Variants in SPAG9 observed in about 807,000 individuals in gnomAD.
The protein encoded by SPAG9 is sperm associated antigen 9, also known as C-Jun-amino-terminal kinase-interacting protein 4.
Under a neutral mutation model 166.5 loss-of-function variants are expected in SPAG9, and 35 were observed. The observed-to-expected ratio is 0.21, with a 90% confidence interval of 0.16 to 0.28. SPAG9 has a LOEUF of 0.28. Ranked by LOEUF, SPAG9 falls within the 10% of genes least tolerant of loss-of-function variation. The pLI is 1.00. For synonymous variants in SPAG9, 534 were observed against 565.5 expected (o/e 0.94, Z 0.79); for missense variants, 1,235 against 1,603.3 (o/e 0.77, Z 3.92).
At chr17:51,057,384 T>TA (rs1282774729) in intron 2 of SPAG9, among the ~76,000 whole-genome samples, 3 of 152,154 alleles carry the variant, frequency 2.0e-5, no homozygotes, top group Non-Finnish European at 4.4e-5. Context: ...AGCCTTAGCA[T>TA]AGTTGAAAAT....
intron 3 of SPAG9, among the ~76,000 whole-genome samples, chr17:51,049,967 C>T (rs965738439): frequency 3.3e-5 from 5 of 152,242 alleles, no homozygotes; most frequent in African/African-American, 1.2e-4. Context: ...AATGGAGGAC[C>T]TAAGTTTCCT....
intron 8 of SPAG9, among the ~76,000 whole-genome samples, chr17:51,017,141 G>T (rs1204648531): frequency 6.6e-6 from 1 of 152,156 alleles, no homozygotes; most frequent in African/African-American, 2.4e-5. Flanking sequence ...TTCCGTATTT[G>T]ATCTACAAAA....
rs1366279972 is a variant in SPAG9, at chr17:50,995,037, A to G, written c.2226+20T>C. On this transcript the variant is annotated intron_variant, in intron 18 of 29. Transcript: ENST00000262013. ...CTCATAGTCTCATAAACCAGGTCAA[A>G]TGTTAGTACACACACTTACCTTAAG... 2.5e-6 allele frequency: 4 copies of G among 1,590,084 alleles called. No homozygotes were observed. The highest frequency in any genetic ancestry group is 4.5e-5 in the East Asian group (2 of 44,666).
At chr17:50,989,639 T>C (rs1975369903) in intron 21 of SPAG9, 38 bp downstream of exon 21, 1 of 1,550,602 alleles carries the variant, frequency 6.4e-7, no homozygotes, top group Admixed American at 1.7e-5. Flanking sequence ...ATTTGTGCAC[T>C]TCACCCAGTT....
At chr17:51,077,081 TCTAGCTAGCTATCTATCTAG>T (rs2048030672) in intron 2 of SPAG9, among the ~76,000 whole-genome samples, 4 of 109,624 alleles carry the variant, frequency 3.6e-5, no homozygotes, top group African/African-American at 1.7e-4. Flanking sequence ...TATCTAGCTA[TCTAGCTAGCTATCTATCTAG>T]CTAGCTATCT....
At chr17:51,074,681 G>A (rs2047917368) in intron 2 of SPAG9, among the ~76,000 whole-genome samples, 1 of 152,048 alleles carries the variant, frequency 6.6e-6, no homozygotes, top group East Asian at 1.9e-4. Flanking sequence ...TTTCCCTAGA[G>A]TATTGTCAAT....
At chr17:51,074,813 T>G (rs1311464083) in intron 2 of SPAG9, among the ~76,000 whole-genome samples, 1 of 152,054 alleles carries the variant, frequency 6.6e-6, no homozygotes, top group Non-Finnish European at 1.5e-5. Context: ...AAAAAAGGTA[T>G]GACTCTCTGG....
intron 20 of SPAG9, 143 bp downstream of exon 20, chr17:50,990,307 C>T (rs1288092204): frequency 1.7e-5 from 12 of 687,962 alleles, no homozygotes; most frequent in East Asian, 5.5e-5. Context: ...GGATTACAGG[C>T]GTGAGCCACC....
In SPAG9 at chr17:51,003,777, C is replaced by T. The variant is rs925657090; in HGVS notation, c.1476+1435G>A. Among the ~76,000 whole-genome samples, 6 of 152,144 alleles carry T rather than the reference C, an allele frequency of 3.9e-5. No homozygotes were observed. In the East Asian group the frequency reaches 9.6e-4, roughly 24 times the overall value. On this transcript the variant is annotated intron_variant, in intron 12 of 29. Transcript: ENST00000262013. ...GTTCTGTTATAGAAACTGGGCCTCT[C>T]CTTTCAATAAAGTTAAACAACAAAT... is the stretch of plus-strand genomic sequence containing the variant.
At chr17:51,099,099 C>CAAAAAAA (rs35291018) in intron 1 of SPAG9, among the ~76,000 whole-genome samples, 4 of 45,968 alleles carry the variant, frequency 8.7e-5, no homozygotes, top group Non-Finnish European at 1.4e-4. Flanking sequence ...GACTCCGTCT[C>CAAAAAAA]AAAAAAAAAA....
chr17:51,098,167 T>TG (rs1012135317), intron 1 of SPAG9, among the ~76,000 whole-genome samples: 6 of 141,104 alleles, frequency 4.3e-5, no homozygotes, highest in African/African-American at 1.0e-4. Context: ...GTTATGTGTG[T>TG]TTTTTTTTTC....
At chr17:51,007,817 C>A (rs1196760838) in intron 9 of SPAG9, 1 of 452,982 alleles carries the variant, frequency 2.2e-6, no homozygotes, top group African/African-American at 2.0e-5. Flanking sequence ...GATAGAACCC[C>A]AAGGCAGATG....
intron 2 of SPAG9, among the ~76,000 whole-genome samples, chr17:51,068,335 GTTA>G (rs1489666910): frequency 6.6e-6 from 1 of 152,148 alleles, no homozygotes; most frequent in Non-Finnish European, 1.5e-5. Context: ...GATATTATAT[GTTA>G]TTAATCAATG....
intron 4 of SPAG9, chr17:51,046,896 G>C (rs1469965021): frequency 2.6e-6 from 4 of 1,515,296 alleles, no homozygotes; most frequent in Non-Finnish European, 3.5e-6. Flanking sequence ...CCAAGCGACA[G>C]CCAGCCTATT....
chr17:51,060,478 C>T (rs967673416), intron 2 of SPAG9, among the ~76,000 whole-genome samples: 2 of 139,392 alleles, frequency 1.4e-5, no homozygotes, highest in African/African-American at 5.4e-5. Flanking sequence ...ACTCCAGCCT[C>T]GGTGACAGAG....
intron 2 of SPAG9, among the ~76,000 whole-genome samples, chr17:51,072,670 C>T (rs1175961032): frequency 4.6e-5 from 7 of 151,820 alleles, no homozygotes; most frequent in Admixed American, 3.9e-4. Flanking sequence ...GGCAACAGAG[C>T]GAGACTCTGT....
At chr17:51,033,396 A>G (rs2046462083) in intron 5 of SPAG9, among the ~76,000 whole-genome samples, 1 of 152,154 alleles carries the variant, frequency 6.6e-6, no homozygotes, top group Admixed American at 6.5e-5. Flanking sequence ...GCACCTGTAA[A>G]GAAAAAGGCC....
At chr17:50,973,236 T>C (rs977136129) in intron 28 of SPAG9, among the ~76,000 whole-genome samples, 6 of 152,062 alleles carry the variant, frequency 3.9e-5, no homozygotes, top group Admixed American at 6.5e-5. Flanking sequence ...CATTCAAACA[T>C]AGTAAAAATA....
At chr17:51,077,109 T>TCTAG (rs1412585538) in intron 2 of SPAG9, among the ~76,000 whole-genome samples, 50 of 129,466 alleles carry the variant, frequency 3.9e-4, no homozygotes, top group African/African-American at 1.1e-3. Context: ...TAGCTAGCTA[T>TCTAG]CTAGCTATCT....
Sources: allele counts gnomAD v4.1 joint callset (sites outside exome capture counted in the v4.1 genomes callset), GRCh38; gene constraint gnomAD v4.1.1; transcripts MANE v1.5; gene names NCBI Gene and HGNC (gene_info 2026-07-23, HGNC 2026-07-21).